Variants in CSMD1 observed in about 807,000 individuals in gnomAD.
The protein encoded by CSMD1 is CUB and Sushi multiple domains 1.
A neutral mutation model predicts 417.5 loss-of-function variants in CSMD1; 213 were observed. That is an observed-to-expected ratio of 0.51 (90% CI 0.46 to 0.57). The LOEUF (loss-of-function observed/expected upper bound fraction) is 0.57. Among genes scored for constraint, CSMD1 ranks in the 20% least tolerant of loss-of-function variants. The pLI is 0.00. For missense variants in CSMD1, 6,923 were observed against 4,529.7 expected, an observed-to-expected ratio of 1.53 and a Z score of -15.17; for synonymous variants, 2,862 against 1,736.8, an observed-to-expected ratio of 1.65 and a Z score of -16.11.
chr8:3,482,580 T>G (rs1046904020), intron 11 of CSMD1, among the ~76,000 whole-genome samples: 1 of 152,228 alleles, frequency 6.6e-6, no homozygotes, highest in Non-Finnish European at 1.5e-5. Context: ...TTGAAAACTT[T>G]AGCACCCTTA....
intron 1 of CSMD1, among the ~76,000 whole-genome samples, chr8:4,837,418 G>T (rs910030632): frequency 2.0e-5 from 3 of 152,116 alleles, no homozygotes; most frequent in East Asian, 1.9e-4. Flanking sequence ...ACCATAAAAA[G>T]AATGAGATTC....
At chr8:3,549,342 G>C (rs185861146) in intron 10 of CSMD1, among the ~76,000 whole-genome samples, 2 of 152,330 alleles carry the variant, frequency 1.3e-5, no homozygotes, top group Admixed American at 1.3e-4. Flanking sequence ...ACCAGCTTCT[G>C]TTCTAGGCCA....
At chr8:4,011,973 T>C (rs193121182) in intron 4 of CSMD1, among the ~76,000 whole-genome samples, 3 of 151,912 alleles carry the variant, frequency 2.0e-5, no homozygotes, top group Non-Finnish European at 4.4e-5. Context: ...ATACCAAATA[T>C]AAATGTCACA....
chr8:3,885,612 C>T (rs1267845076), intron 5 of CSMD1, among the ~76,000 whole-genome samples: 1 of 152,104 alleles, frequency 6.6e-6, no homozygotes, highest in Admixed American at 6.6e-5. Flanking sequence ...CTATGATGAG[C>T]GTCTGCTCCT....
At chr8:3,626,053 T>G (rs1028521760) in intron 7 of CSMD1, among the ~76,000 whole-genome samples, 1 of 152,226 alleles carries the variant, frequency 6.6e-6, no homozygotes, top group Non-Finnish European at 1.5e-5. Flanking sequence ...TTAATGGCAC[T>G]GAACATTTTA....
chr8:3,429,525 T>C (rs61336947), intron 12 of CSMD1, among the ~76,000 whole-genome samples: 3,241 of 152,192 alleles, frequency 0.021, 254 homozygotes, highest in East Asian at 0.21. Flanking sequence ...TGAAGACACT[T>C]TGGGGGCTGT....
At chr8:3,956,514 A>G (rs988385966) in intron 5 of CSMD1, among the ~76,000 whole-genome samples, 2 of 152,242 alleles carry the variant, frequency 1.3e-5, no homozygotes, top group Non-Finnish European at 1.5e-5. Context: ...TAAAGAGGAC[A>G]GGTGGAAACT....
At chr8:4,062,533 T>C (rs1316996067) in intron 3 of CSMD1, among the ~76,000 whole-genome samples, 1 of 152,164 alleles carries the variant, frequency 6.6e-6, no homozygotes, top group African/African-American at 2.4e-5. Context: ...AAATCACCTG[T>C]GGCATTGACA....
In CSMD1 at chr8:2,966,726, C is replaced by G; in HGVS notation, c.8944G>C (p.Gly2982Arg). 1 of 1,613,502 alleles carries G rather than the reference C, an allele frequency of 6.2e-7. No homozygotes were observed. The change falls in exon 58 of 70, where the codon GGC becomes CGC. Residue 2982 changes from glycine to arginine, a missense_variant. Coordinates refer to ENST00000635120, the MANE Select transcript of CSMD1 (RefSeq NM_033225.6). ...VCEAVSCGNP[G>R]TPTNGMIVSS... ...ACAATCATTCCGTTGGTGGGTGTGC[C>G]AGGGTTGCCACAGGACACGGCTGTT...
chr8:3,439,100 G>C (rs13268829), intron 12 of CSMD1, among the ~76,000 whole-genome samples: 29,767 of 104,802 alleles, frequency 0.28, 4,928 homozygotes, highest in Middle Eastern at 0.44. Context: ...TCCAGCCTGG[G>C]TGACAGAGCA....
chr8:3,478,991 C>T (rs1043319585), intron 11 of CSMD1, among the ~76,000 whole-genome samples: 1 of 152,016 alleles, frequency 6.6e-6, no homozygotes, highest in Admixed American at 6.5e-5. Flanking sequence ...TCCCTCATCG[C>T]CTCACCAACA....
At chr8:3,632,670 T>A (rs181933746) in intron 7 of CSMD1, among the ~76,000 whole-genome samples, 5 of 152,338 alleles carry the variant, frequency 3.3e-5, no homozygotes, top group Admixed American at 2.0e-4. Context: ...ACTGTCACCC[T>A]AATGATTCAT....
intron 26 of CSMD1, among the ~76,000 whole-genome samples, chr8:3,257,249 G>C (rs887212138): frequency 4.6e-5 from 7 of 152,166 alleles, no homozygotes; most frequent in Admixed American, 4.6e-4. Context: ...GCTTCAACCT[G>C]GGAGGCAGAG....
At chr8:4,109,016 T>C (rs1801715933) in intron 3 of CSMD1, among the ~76,000 whole-genome samples, 1 of 152,214 alleles carries the variant, frequency 6.6e-6, no homozygotes, top group Non-Finnish European at 1.5e-5. Context: ...AGGACCTCCA[T>C]GGATACAAAT....
rs573127045 is a variant in CSMD1 at position 3,833,496 on chromosome 8, C to G, written c.819-79454G>C. 2.0e-5 allele frequency among the ~76,000 whole-genome samples: 3 copies of G among 152,054 alleles called. No homozygotes were observed. The East Asian group carries it at 5.8e-4, about 29-fold the overall frequency. On this transcript the variant is annotated intron_variant, in intron 5 of 69. Transcript: ENST00000635120. ...TCTTATTTTCCTACTATAACAAAGC[C>G]CTTTCCTCATTCATATTCAGAATTT...
chr8:3,314,367 A>G (rs991098939), intron 23 of CSMD1, among the ~76,000 whole-genome samples: 5 of 152,216 alleles, frequency 3.3e-5, no homozygotes, highest in Non-Finnish European at 7.3e-5. Flanking sequence ...TGACTGATCA[A>G]TTTTAAGCCT....
intron 2 of CSMD1, among the ~76,000 whole-genome samples, chr8:4,560,615 C>A (rs1435394729): frequency 6.6e-6 from 1 of 152,214 alleles, no homozygotes; most frequent in Non-Finnish European, 1.5e-5. Context: ...AGCCTTCTCC[C>A]ACGGTTTAGT....
chr8:4,695,128 G>A lies in CSMD1; in HGVS notation c.86-57570C>T, dbSNP rs567394022. ...GCCTGGGGTCTGAACTTCGACCACC[G>A]TGACTTATCAAATACTCATTTTTGT... On this transcript the variant is annotated intron_variant, in intron 1 of 69. Transcript: ENST00000635120. 2.6e-5 allele frequency among the ~76,000 whole-genome samples: 4 copies of A among 152,012 alleles called. No homozygotes were observed. In the South Asian group the frequency reaches 8.3e-4, roughly 32 times the overall value.
chr8:3,575,215 G>A, intron 9 of CSMD1, 149 bp from the exon 10 acceptor site: 3 of 818,318 alleles, frequency 3.7e-6, no homozygotes, highest in East Asian at 5.5e-5. Flanking sequence ...CTGGGGCATG[G>A]ACTCCAGTCA....
Sources: allele counts gnomAD v4.1 joint callset (sites outside exome capture counted in the v4.1 genomes callset), GRCh38; gene constraint gnomAD v4.1.1; transcripts MANE v1.5; gene names NCBI Gene and HGNC (gene_info 2026-07-23, HGNC 2026-07-21).